SWT1: variants seen among roughly 807,000 people sequenced by gnomAD.
The protein encoded by SWT1 is SWT1 RNA endoribonuclease homolog, also known as transcriptional protein SWT1.
In SWT1, 33 loss-of-function variants were observed where a neutral mutation model predicts 107.3. That is an observed-to-expected ratio of 0.31 (90% CI 0.23 to 0.41). The LOEUF is 0.41. Ranked by LOEUF, SWT1 falls within the 10% of genes least tolerant of loss-of-function variation. The pLI is 1.00. For missense variants in SWT1, 898 were observed against 1,028.9 expected, an observed-to-expected ratio of 0.87 and a Z score of 1.74; for synonymous variants, 345 against 348.3, an observed-to-expected ratio of 0.99 and a Z score of 0.11.
intron 4 of SWT1, among the ~76,000 whole-genome samples, chr1:185,170,184 T>C (rs1367841140): frequency 6.6e-6 from 1 of 152,202 alleles, no homozygotes; most frequent in Non-Finnish European, 1.5e-5. Flanking sequence ...AAACCAACTG[T>C]AGGCAAGCTC....
intron 4 of SWT1, among the ~76,000 whole-genome samples, chr1:185,170,853 TAAA>T (rs1299847447): frequency 1.3e-5 from 2 of 151,994 alleles, no homozygotes; most frequent in African/African-American, 4.8e-5. Flanking sequence ...AAATTTATAA[TAAA>T]AAAAGAAAGA....
intron 16 of SWT1, among the ~76,000 whole-genome samples, chr1:185,244,917 CAA>C (rs1479123692): frequency 7.3e-5 from 11 of 151,716 alleles, no homozygotes; most frequent in African/African-American, 2.7e-4. Flanking sequence ...ACCGTCTCTG[CAA>C]AAAAATAAAA....
intron 4 of SWT1, among the ~76,000 whole-genome samples, chr1:185,173,530 C>CAA (rs869052260): frequency 2.1e-5 from 2 of 96,568 alleles, no homozygotes; most frequent in Non-Finnish European, 4.2e-5. Context: ...CTGTCTCTAC[C>CAA]AAAAAAAAAA....
intron 15 of SWT1, among the ~76,000 whole-genome samples, chr1:185,228,631 AT>A (rs1660272845): frequency 6.6e-6 from 1 of 152,132 alleles, no homozygotes; most frequent in Admixed American, 6.5e-5. Flanking sequence ...AAAATGTTGT[AT>A]TTATTGTATT....
Position 185,271,297 on chromosome 1 carries a change from C to G in SWT1, c.2442-26C>G, listed in dbSNP as rs780839946. The G allele has an allele frequency of 9.8e-6, 12 of 1,225,602 alleles. No homozygotes were observed. In the East Asian group the frequency reaches 2.3e-4, roughly 24 times the overall value. 75.9% of individuals were successfully genotyped at this position (1,225,602 alleles called of 1,614,324 possible). A position where few individuals can be genotyped will look rare whatever the true frequency, so the allele number is the denominator to read the frequency against. On this transcript the variant is annotated intron_variant, in intron 16 of 18. Transcript: ENST00000367500. ...TTTTTTCTGAAATCATTTATTCCCC[C>G]CCTTTGTTTTTATTTTATTTTTTAG...
rs780268094 is a variant in SWT1 at position 185,174,391 on chromosome 1, A to C, written c.244A>C (p.Thr82Pro). Residue 82 changes from threonine to proline, a missense_variant, in exon 5 of 19, where the codon ACT becomes CCT. By Grantham distance (38) the Thr-to-Pro change is conservative (BLOSUM62 -1). Coordinates refer to ENST00000367500, the MANE Select transcript of SWT1 (RefSeq NM_017673.7). Reference sequence around the variant, plus strand: ...TTACAGATTGAGTGTAGAAATTGACACTCTCAGAAGGAGACCAAAAATCGG... The same window carrying C: ...TTACAGATTGAGTGTAGAAATTGACCCTCTCAGAAGGAGACCAAAAATCGG... ...GLKRLSVEID[T>P]LRRRPKIGSS... is the part of the protein sequence containing the mutation. 3.9e-6 allele frequency: 6 copies of C among 1,551,460 alleles called. No homozygotes were observed. In the East Asian group the frequency reaches 1.4e-4, roughly 35 times the overall value.
intron 18 of SWT1, among the ~76,000 whole-genome samples, chr1:185,283,851 T>C (rs1664791603): frequency 6.6e-6 from 1 of 152,200 alleles, no homozygotes; most frequent in African/African-American, 2.4e-5. Context: ...CACACACACA[T>C]ATATACACAC....
chr1:185,253,679 G>T (rs1314809745), intron 16 of SWT1, among the ~76,000 whole-genome samples: 2 of 152,202 alleles, frequency 1.3e-5, no homozygotes, highest in Non-Finnish European at 2.9e-5. Flanking sequence ...GAGATTTTCG[G>T]CTGAGACGAT....
At position 185,222,051 on chromosome 1, in the gene SWT1, G is replaced by T; in HGVS notation, c.2309+15G>T. ...TATCAGAACAGGTACTAAATTTGGG[G>T]GAATTTTTTTTTAGTTATTTTTTAA... On this transcript the variant is annotated intron_variant, in intron 15 of 18. Coordinates refer to ENST00000367500, the MANE Select transcript of SWT1 (RefSeq NM_017673.7). 1.4e-6 allele frequency: 2 copies of T among 1,456,856 alleles called. No individual in the cohort carries two copies. The highest frequency in any genetic ancestry group is 2.5e-5 in the East Asian group (1 of 39,434). 90.2% of individuals were successfully genotyped at this position (1,456,856 alleles called of 1,614,324 possible).
chr1:185,285,747 A>T (rs1664909884), intron 18 of SWT1, among the ~76,000 whole-genome samples: 2 of 152,186 alleles, frequency 1.3e-5, no homozygotes. Flanking sequence ...TCATTCATGC[A>T]TTCATCCATC....
intron 16 of SWT1, among the ~76,000 whole-genome samples, chr1:185,266,221 G>A (rs936383057): frequency 1.0e-4 from 15 of 144,330 alleles, no homozygotes; most frequent in East Asian, 2.0e-4. Context: ...CCGCCACCAC[G>A]CCCAGCTAAT....
intron 16 of SWT1, among the ~76,000 whole-genome samples, chr1:185,261,886 G>A (rs1366579733): frequency 6.6e-6 from 1 of 151,984 alleles, no homozygotes; most frequent in East Asian, 1.9e-4. Context: ...TAATGTTGTT[G>A]ATCTATTGTC....
In SWT1 at chr1:185,190,624, C is replaced by G. The variant is rs1214138059; in HGVS notation, c.1505C>G (p.Ser502Cys). ...CLQHQELFPC[S>C]FVILCTDDRN... is the part of the protein sequence containing the mutation. Reference sequence around the variant, plus strand: ...CAGCACCAGGAATTATTCCCTTGTTCTTTTGTTATTCTGTGCACGTGAGTT... The same window carrying G: ...CAGCACCAGGAATTATTCCCTTGTTGTTTTGTTATTCTGTGCACGTGAGTT... The change falls in exon 10 of 19, where the codon TCT becomes TGT. Residue 502 changes from serine (S) to cysteine (C), a missense_variant. Transcript: ENST00000367500. The G allele has an allele frequency of 6.2e-7, 1 of 1,604,382 alleles. No homozygotes were observed. Among genetic ancestry groups the G allele is most frequent in the Non-Finnish European group, 8.5e-7 (1 of 1,171,756 alleles).
intron 18 of SWT1, among the ~76,000 whole-genome samples, chr1:185,284,364 G>T (rs1034486454): frequency 2.0e-5 from 3 of 152,216 alleles, no homozygotes; most frequent in Non-Finnish European, 4.4e-5. Flanking sequence ...AAAATCTTAC[G>T]TGATGTTTGA....
chr1:185,196,441 T>G (rs966928839), intron 10 of SWT1, among the ~76,000 whole-genome samples: 1 of 152,220 alleles, frequency 6.6e-6, no homozygotes, highest in African/African-American at 2.4e-5. Context: ...CTTTGTTCTC[T>G]TTGCTTAGGA....
intron 5 of SWT1, among the ~76,000 whole-genome samples, chr1:185,177,258 A>G (rs1300109613): frequency 2.0e-5 from 3 of 152,212 alleles, no homozygotes; most frequent in Admixed American, 1.3e-4. Context: ...CAGTATGTTC[A>G]GTGATCATCA....
chr1:185,235,872 A>C (rs1381183374), intron 16 of SWT1, among the ~76,000 whole-genome samples: 1 of 152,228 alleles, frequency 6.6e-6, no homozygotes, highest in Non-Finnish European at 1.5e-5. Context: ...ATACAAAATC[A>C]ATGTGCAAAA....
chr1:185,237,035 G>A (rs754119575), intron 16 of SWT1, among the ~76,000 whole-genome samples: 16 of 152,244 alleles, frequency 1.1e-4, no homozygotes, highest in Middle Eastern at 3.4e-3. Context: ...TTAGAATGGC[G>A]ATCATAAAAA....
At chr1:185,268,516 A>T (rs1663564813) in intron 16 of SWT1, among the ~76,000 whole-genome samples, 1 of 152,086 alleles carries the variant, frequency 6.6e-6, no homozygotes, top group African/African-American at 2.4e-5. Context: ...GCTACTCTGG[A>T]TCGTTCACCA....
Sources: gnomAD v4.1 joint callset for allele counts (sites outside exome capture counted in the v4.1 genomes callset) on GRCh38, gnomAD v4.1.1 for gene constraint, MANE v1.5 for transcripts, NCBI Gene and HGNC (gene_info 2026-07-23, HGNC 2026-07-21) for gene names.